The following IQCK variants were observed in gnomAD, a reference collection of about 807,000 sequenced individuals.
IQCK encodes IQ domain-containing protein K.
IQCK carries 29 observed loss-of-function variants against 28.1 expected under a neutral mutation model. That is an observed-to-expected ratio of 1.03 (90% CI 0.77 to 1.41). The LOEUF (loss-of-function observed/expected upper bound fraction) is 1.41, where lower values mean the gene tolerates loss of function less well. Among genes scored for constraint, IQCK ranks in the 40% most tolerant of loss-of-function variants. The probability of loss-of-function intolerance (pLI) is 0.00; values close to 1 mark genes in which losing one functional copy is unlikely to be tolerated. For missense variants in IQCK, 359 were observed against 314.7 expected (o/e 1.14, Z -1.07); for synonymous variants, 113 against 115.1 (o/e 0.98, Z 0.12).
chr16:19,777,418 G>T (rs758990437), intron 6 of IQCK, among the ~76,000 whole-genome samples: 6 of 152,090 alleles, frequency 3.9e-5, no homozygotes, highest in Non-Finnish European at 7.3e-5. Context: ...TAATTAAATG[G>T]TGGCACAGCA....
At chr16:19,773,191 A>G (rs1429510986) in intron 6 of IQCK, among the ~76,000 whole-genome samples, 6 of 151,982 alleles carry the variant, frequency 3.9e-5, no homozygotes, top group Non-Finnish European at 8.8e-5. Context: ...GAGTTTTCCT[A>G]TGAGCATGCT....
chr16:19,763,727 G>C lies in IQCK; in HGVS notation c.475-121G>C, dbSNP rs1003873824. ...CAAAGTGCTGGGATTACAGGCGTGAGCCACCACACCCAGCCAGTGTTAAGC... is the reference window on the plus strand; with the variant it reads ...CAAAGTGCTGGGATTACAGGCGTGACCCACCACACCCAGCCAGTGTTAAGC... On this transcript the variant is annotated intron_variant, in intron 4 of 7. Coordinates refer to ENST00000564186, the Ensembl canonical transcript of IQCK. 1.4e-5 allele frequency: 11 copies of C among 763,812 alleles called. No homozygotes were observed. The Admixed American group carries it at 2.2e-4, about 15-fold the overall frequency. The allele number at this position is 763,812 out of a possible 1,614,324, so 47.3% of individuals were successfully genotyped here.
At chr16:19,726,269 C>G (rs1013433125) in intron 1 of IQCK, among the ~76,000 whole-genome samples, 1 of 152,122 alleles carries the variant, frequency 6.6e-6, no homozygotes, top group African/African-American at 2.4e-5. Flanking sequence ...TAAAGAAATG[C>G]AAATAAAAGT....
chr16:19,851,952 G>C (rs1039287208), intron 9 of IQCK, among the ~76,000 whole-genome samples: 1 of 152,176 alleles, frequency 6.6e-6, no homozygotes, highest in Non-Finnish European at 1.5e-5. Context: ...CCACCAAGTC[G>C]AGATTTTATC....
intron 1 of IQCK, among the ~76,000 whole-genome samples, chr16:19,721,887 C>A (rs1323943758): frequency 6.6e-6 from 1 of 152,092 alleles, no homozygotes; most frequent in African/African-American, 2.4e-5. Flanking sequence ...CTTACAGTTT[C>A]CTATTTTGAT....
intron 4 of IQCK, among the ~76,000 whole-genome samples, chr16:19,741,114 A>G (rs556389222): frequency 7.6e-4 from 116 of 152,212 alleles, no homozygotes; most frequent in Non-Finnish European, 1.3e-3. Context: ...ACAAGAAGAC[A>G]TGGTCCTGTC....
chr16:19,736,151 C>T, intron 4 of IQCK: 1 of 456,006 alleles, frequency 2.2e-6, no homozygotes, highest in South Asian at 1.5e-5. Context: ...TCCATGCCAA[C>T]TGTCATGAAT....
At position 19,841,191 on chromosome 16, in the gene IQCK, A is replaced by C. The variant is rs147449373; in HGVS notation, c.802+14054A>C. Among the ~76,000 whole-genome samples the C allele has an allele frequency of 2.6e-5, 4 of 152,358 alleles. No homozygotes were observed. In the East Asian group the frequency reaches 7.7e-4, roughly 29 times the overall value. On this transcript the variant is annotated intron_variant, in intron 9 of 9. Transcript: ENST00000320394. ...ACACAGAATAGTAGCAAGAGATCTA[A>C]AAAAGGTACCCACCTCACTGTCACT... is the stretch of plus-strand genomic sequence containing the variant.
chr16:19,842,991 A>G (rs1303174817), intron 9 of IQCK, among the ~76,000 whole-genome samples: 1 of 152,126 alleles, frequency 6.6e-6, no homozygotes, highest in Non-Finnish European at 1.5e-5. Flanking sequence ...TGACTCTTGC[A>G]AAGGTGTAAG....
intron 9 of IQCK, among the ~76,000 whole-genome samples, chr16:19,841,167 C>T (rs2056358735): frequency 6.6e-6 from 1 of 152,146 alleles, no homozygotes; most frequent in Admixed American, 6.5e-5. Flanking sequence ...TTATGAAAAA[C>T]ACAGAATAGT....
At chr16:19,839,410 C>G (rs1370817167) in intron 9 of IQCK, among the ~76,000 whole-genome samples, 2 of 152,092 alleles carry the variant, frequency 1.3e-5, no homozygotes, top group Non-Finnish European at 2.9e-5. Context: ...ATCCACCCTC[C>G]TCGGCTTCCC....
intron 9 of IQCK, among the ~76,000 whole-genome samples, chr16:19,847,640 CTTG>C (rs1416201206): frequency 2.0e-5 from 3 of 152,110 alleles, no homozygotes; most frequent in Admixed American, 2.0e-4. Context: ...ATGCAGCTAA[CTTG>C]TTGAGGGGTA....
chr16:19,722,780 G>A (rs972656721), intron 1 of IQCK, among the ~76,000 whole-genome samples: 5 of 151,402 alleles, frequency 3.3e-5, no homozygotes, highest in Non-Finnish European at 5.9e-5. Flanking sequence ...ACAGAGGTGC[G>A]ATATCTGCTT....
chr16:19,777,680 A>G (rs1045159687), intron 6 of IQCK, among the ~76,000 whole-genome samples: 5 of 152,226 alleles, frequency 3.3e-5, no homozygotes, highest in Admixed American at 6.5e-5. Context: ...GAGGTTTGAC[A>G]TGTGGGTGGC....
At chr16:19,833,954 A>G (rs2056264307) in intron 9 of IQCK, among the ~76,000 whole-genome samples, 1 of 152,006 alleles carries the variant, frequency 6.6e-6, no homozygotes, top group Non-Finnish European at 1.5e-5. Context: ...CAGGCGTGCT[A>G]GCACACTCCT....
intron 4 of IQCK, among the ~76,000 whole-genome samples, chr16:19,753,052 CAGAGAG>C (rs111298371): frequency 3.4e-5 from 5 of 148,678 alleles, no homozygotes; most frequent in South Asian, 2.1e-4. Flanking sequence ...TCAAGTGTAG[CAGAGAG>C]AGAGAGAGAG....
At chr16:19,780,638 G>A (rs193293757) in intron 6 of IQCK, among the ~76,000 whole-genome samples, 43 of 152,242 alleles carry the variant, frequency 2.8e-4, no homozygotes, top group East Asian at 2.7e-3. Context: ...TAAATCCAGC[G>A]TCTCCTTTAA....
intron 7 of IQCK, among the ~76,000 whole-genome samples, chr16:19,805,018 C>T (rs1047404534): frequency 2.6e-5 from 4 of 152,086 alleles, no homozygotes; most frequent in East Asian, 1.9e-4. Flanking sequence ...CAGAGAGGGG[C>T]GTCTCCTGCT....
intron 9 of IQCK, among the ~76,000 whole-genome samples, chr16:19,842,666 T>C (rs2056374952): frequency 1.3e-5 from 2 of 152,248 alleles, no homozygotes; most frequent in African/African-American, 4.8e-5. Context: ...CTTTGTGCCT[T>C]GTTGGCCAGG....
Sources: allele counts gnomAD v4.1 joint callset (sites outside exome capture counted in the v4.1 genomes callset), GRCh38; gene constraint gnomAD v4.1.1; transcripts MANE v1.5; gene names NCBI Gene and HGNC (gene_info 2026-07-23, HGNC 2026-07-21).